Variants in FUT8 observed in about 807,000 individuals in gnomAD.
FUT8 encodes fucosyltransferase 8, also known as alpha-(1,6)-fucosyltransferase.
Under a neutral mutation model 71.3 loss-of-function variants are expected in FUT8, and 29 were observed. The ratio of observed to expected loss-of-function variants is 0.41; its 90% CI spans 0.30 to 0.55. FUT8 has a LOEUF of 0.55. Ranked by LOEUF, FUT8 falls within the 20% of genes least tolerant of loss-of-function variation. The pLI, the probability that FUT8 is intolerant of heterozygous loss-of-function variation, is 0.34. For missense variants in FUT8, 544 were observed against 702.1 expected (o/e 0.77, Z 2.55); for synonymous variants, 254 against 239.3 (o/e 1.06, Z -0.57).
chr14:65,605,454 G>A (rs1888530790), intron 3 of FUT8, among the ~76,000 whole-genome samples: 1 of 151,890 alleles, frequency 6.6e-6, no homozygotes, highest in Admixed American at 6.6e-5. Context: ...CATTAAGGTG[G>A]ACCCTAATCC....
chr14:65,542,279 T>C (rs1015042370), intron 2 of FUT8, among the ~76,000 whole-genome samples: 1 of 152,194 alleles, frequency 6.6e-6, no homozygotes, highest in African/African-American at 2.4e-5. Context: ...GTCCCATTTC[T>C]ATATTAGCGG....
intron 10 of FUT8, among the ~76,000 whole-genome samples, chr14:65,740,581 A>G (rs1896446043): frequency 6.6e-6 from 1 of 152,052 alleles, no homozygotes; most frequent in Admixed American, 6.6e-5. Context: ...TACAGGAAGC[A>G]TGATGCTGGG....
intron 2 of FUT8, among the ~76,000 whole-genome samples, chr14:65,543,840 T>C (rs1884832618): frequency 6.6e-6 from 1 of 152,122 alleles, no homozygotes. Flanking sequence ...TGCACATAAT[T>C]GCATATGGCT....
At chr14:65,530,347 ATG>A (rs1883857787) in intron 2 of FUT8, among the ~76,000 whole-genome samples, 2 of 152,162 alleles carry the variant, frequency 1.3e-5, no homozygotes, top group South Asian at 4.1e-4. Flanking sequence ...CTGATTTTCA[ATG>A]TCAGATCATC....
rs184490513 is a variant in FUT8 at position 65,555,563 on chromosome 14, T to G, written c.-227-5774T>G. Reference sequence around the variant, plus strand: ...CCACCTACCTTAAATTCCCTGAACTTTGGTCTTTGTCTTCTCACCTGAGGA... The same window carrying G: ...CCACCTACCTTAAATTCCCTGAACTGTGGTCTTTGTCTTCTCACCTGAGGA... On this transcript the variant is annotated intron_variant, in intron 2 of 10. Coordinates refer to ENST00000673929, the MANE Select transcript of FUT8 (RefSeq NM_001371533.1). Among the ~76,000 whole-genome samples the G allele has an allele frequency of 2.0e-5, 3 of 152,268 alleles. No homozygotes were observed. The East Asian group carries it at 5.8e-4, about 29-fold the overall frequency.
chr14:65,543,543 TA>T (rs531269053), intron 2 of FUT8, among the ~76,000 whole-genome samples: 1 of 152,036 alleles, frequency 6.6e-6, no homozygotes, highest in Non-Finnish European at 1.5e-5. Flanking sequence ...AGTGTTTTTT[TA>T]AAAAAAACAT....
At chr14:65,707,825 C>T (rs914813547) in intron 7 of FUT8, among the ~76,000 whole-genome samples, 1 of 152,068 alleles carries the variant, frequency 6.6e-6, no homozygotes, top group Admixed American at 6.6e-5. Context: ...TTCCATTGGT[C>T]GATATGTCTG....
intron 3 of FUT8, among the ~76,000 whole-genome samples, chr14:65,565,640 A>C (rs1886153725): frequency 6.6e-6 from 1 of 151,952 alleles, no homozygotes; most frequent in East Asian, 1.9e-4. Context: ...AATTCTTGAG[A>C]GTTCTACTTG....
At position 65,716,717 on chromosome 14, in the gene FUT8, C is replaced by G. The variant is rs578137658; in HGVS notation, c.836-5058C>G. ...TTTTTGACAAAACCACCATCATCATCATGGCCTGTTCTCGATGGTCGCTGT... is the reference window on the plus strand; with the variant it reads ...TTTTTGACAAAACCACCATCATCATGATGGCCTGTTCTCGATGGTCGCTGT... On this transcript the variant is annotated intron_variant, in intron 7 of 10. Transcript: ENST00000673929. Among the ~76,000 whole-genome samples, 235 of 152,294 alleles carry G rather than the reference C, an allele frequency of 1.5e-3. 2 individuals carry two copies. The highest frequency in any genetic ancestry group is 5.4e-3 in the African/African-American group (223 of 41,558).
intron 7 of FUT8, among the ~76,000 whole-genome samples, chr14:65,699,133 C>G (rs1196641302): frequency 2.4e-4 from 35 of 147,092 alleles, no homozygotes; most frequent in Non-Finnish European, 1.8e-4. Context: ...CATGTAAACA[C>G]TCCCTCCCTT....
At chr14:65,364,888 G>A in the FUT8 span, among the ~76,000 whole-genome samples, 1 of 152,088 alleles carries the variant, frequency 6.6e-6, no homozygotes, top group East Asian at 1.9e-4. Flanking sequence ...GGCCACACTG[G>A]ATTGCACATG....
At position 65,623,482 on chromosome 14, in the gene FUT8, A is replaced by G. The variant is rs190764423; in HGVS notation, c.483-6010A>G. On this transcript the variant is annotated intron_variant, in intron 5 of 10. Transcript: ENST00000673929. ...CCTGTAATCCTAGCACTTTGGGGAG[A>G]CCGAGGAGGGTGGATCACATGAGGC... Among the ~76,000 whole-genome samples the G allele has an allele frequency of 2.1e-3, 324 of 151,892 alleles. 4 individuals are homozygous for G. The highest frequency in any genetic ancestry group is 0.02 in the Admixed American group (298 of 15,254).
chr14:65,477,841 A>G (rs1180074152), intron 2 of FUT8, among the ~76,000 whole-genome samples: 1 of 151,406 alleles, frequency 6.6e-6, no homozygotes, highest in East Asian at 1.9e-4. Context: ...GGGAAAGATG[A>G]CTAAGGGTTT....
chr14:65,612,117 G>A (rs1031504894), intron 3 of FUT8, among the ~76,000 whole-genome samples: 1 of 152,058 alleles, frequency 6.6e-6, no homozygotes, highest in Non-Finnish European at 1.5e-5. Context: ...TTTATGGGTT[G>A]TCTTTTCTTG....
At chr14:65,442,711 C>T (rs1251737464) in intron 1 of FUT8, among the ~76,000 whole-genome samples, 2 of 151,534 alleles carry the variant, frequency 1.3e-5, no homozygotes, top group African/African-American at 2.4e-5. Context: ...TGGTACTTGC[C>T]TGTGATCCCA....
At chr14:65,604,761 G>A (rs1245910795) in intron 3 of FUT8, among the ~76,000 whole-genome samples, 2 of 151,772 alleles carry the variant, frequency 1.3e-5, no homozygotes, top group Non-Finnish European at 2.9e-5. Flanking sequence ...CAAGATTAGA[G>A]CAGAACTAAA....
chr14:65,444,085 A>G (rs1287497066), intron 1 of FUT8, among the ~76,000 whole-genome samples: 1 of 152,234 alleles, frequency 6.6e-6, no homozygotes, highest in Non-Finnish European at 1.5e-5. Context: ...CTGAAAAGAC[A>G]TCAAGCTTAG....
intron 2 of FUT8, among the ~76,000 whole-genome samples, chr14:65,520,676 C>T (rs564211841): frequency 7.4e-4 from 113 of 151,836 alleles, no homozygotes; most frequent in African/African-American, 2.5e-3. Flanking sequence ...TCAAATCATA[C>T]GTAATTCAGT....
chr14:65,431,288 A>C (rs1595366268), intron 1 of FUT8, among the ~76,000 whole-genome samples: 1 of 135,382 alleles, frequency 7.4e-6, no homozygotes, highest in African/African-American at 2.8e-5. Flanking sequence ...GGTGTGAGCC[A>C]CTGCGCCGGC....
Sources: gnomAD v4.1 joint callset for allele counts (sites outside exome capture counted in the v4.1 genomes callset) on GRCh38, gnomAD v4.1.1 for gene constraint, MANE v1.5 for transcripts, NCBI Gene and HGNC (gene_info 2026-07-23, HGNC 2026-07-21) for gene names.